DPH6: variants seen among roughly 807,000 people sequenced by gnomAD.
The protein encoded by DPH6 is diphthine--ammonia ligase.
DPH6 carries 33 observed loss-of-function variants against 38.2 expected under a neutral mutation model. That is an observed-to-expected ratio of 0.86 (90% CI 0.65 to 1.15). The LOEUF is 1.15. Ranked by LOEUF, DPH6 falls within the 50% of genes most tolerant of loss-of-function variation. The pLI, the probability that DPH6 is intolerant of heterozygous loss-of-function variation, is 0.00. For missense variants in DPH6, 325 were observed against 320.0 expected (o/e 1.02, Z -0.12); for synonymous variants, 108 against 103.0 (o/e 1.05, Z -0.30).
chr15:35,274,815 G>A (rs541898723), intron 3 of DPH6, among the ~76,000 whole-genome samples: 8 of 152,110 alleles, frequency 5.3e-5, no homozygotes, highest in Admixed American at 1.3e-4. Flanking sequence ...TATTTAAACC[G>A]TTGTGGATGA....
In DPH6 at chr15:35,539,569, G is replaced by A. The variant is rs924078221; in HGVS notation, c.119-1102C>T. On this transcript the variant is annotated intron_variant, in intron 2 of 8. Transcript: ENST00000256538. ...TCAAATTTATCTACCCACAGAACAC[G>A]TAAATTTAATGGGGGTATTTGTGTT... Among the ~76,000 whole-genome samples the A allele has an allele frequency of 1.6e-4, 24 of 152,046 alleles. No homozygotes were observed. In the East Asian group the frequency reaches 4.1e-3, roughly 26 times the overall value.
chr15:35,528,142 T>A (rs1378053774), intron 3 of DPH6, among the ~76,000 whole-genome samples: 2 of 152,164 alleles, frequency 1.3e-5, no homozygotes, highest in Admixed American at 1.3e-4. Context: ...GAAAAGATAC[T>A]AATATCATAG....
At chr15:35,380,580 C>T (rs1416212217) in intron 7 of DPH6, among the ~76,000 whole-genome samples, 2 of 151,984 alleles carry the variant, frequency 1.3e-5, no homozygotes, top group Non-Finnish European at 2.9e-5. Context: ...CCTATATTAA[C>T]AAGTAAATAT....
chr15:35,438,189 T>C (rs1409953380), intron 5 of DPH6, among the ~76,000 whole-genome samples: 1 of 152,246 alleles, frequency 6.6e-6, no homozygotes, highest in Non-Finnish European at 1.5e-5. Context: ...TTTTTCTCAG[T>C]TGACTAAATT....
chr15:35,519,421 T>C (rs2054890631), intron 3 of DPH6: 1 of 152,004 alleles, frequency 6.6e-6, no homozygotes, highest in South Asian at 2.1e-4. Flanking sequence ...TTCAAAAAGA[T>C]ATTTCATGAA....
intron 3 of DPH6, among the ~76,000 whole-genome samples, chr15:35,257,342 CTA>C (rs771040526): frequency 6.6e-6 from 1 of 152,114 alleles, no homozygotes; most frequent in Non-Finnish European, 1.5e-5. Context: ...AGTTGCTTAC[CTA>C]TAGGCTTGAA....
chr15:35,248,396 A>T (rs748772274), intron 3 of DPH6, among the ~76,000 whole-genome samples: 1 of 152,200 alleles, frequency 6.6e-6, no homozygotes, highest in Non-Finnish European at 1.5e-5. Context: ...TAAGATCTCC[A>T]TTCCAGTGTG....
chr15:35,416,753 T>C (rs1262771942), intron 5 of DPH6, among the ~76,000 whole-genome samples: 2 of 152,090 alleles, frequency 1.3e-5, no homozygotes, highest in Admixed American at 6.6e-5. Context: ...TGACAAGTCA[T>C]TGGGGACCTC....
intron 5 of DPH6, among the ~76,000 whole-genome samples, chr15:35,431,299 C>A (rs2053629971): frequency 6.6e-6 from 1 of 152,056 alleles, no homozygotes; most frequent in Non-Finnish European, 1.5e-5. Flanking sequence ...ACTTTTGTAC[C>A]TATGGCCCCA....
intron 5 of DPH6, among the ~76,000 whole-genome samples, chr15:35,440,414 T>C (rs577311992): frequency 6.6e-6 from 1 of 152,282 alleles, no homozygotes; most frequent in East Asian, 1.9e-4. Context: ...ACCAGGTTTG[T>C]CTCCTCTTGC....
the DPH6 span, among the ~76,000 whole-genome samples, chr15:35,208,012 T>C: frequency 1.3e-5 from 2 of 152,224 alleles, no homozygotes; most frequent in African/African-American, 4.8e-5. Context: ...CTAGCCTCAC[T>C]GAAAATATTC....
At chr15:35,182,125 T>C in the DPH6 span, among the ~76,000 whole-genome samples, 9 of 151,194 alleles carry the variant, frequency 6.0e-5, no homozygotes, top group African/African-American at 2.2e-4. Flanking sequence ...ATAAAACCTA[T>C]AGATAAAGGA....
At chr15:35,236,885 C>A (rs1208035146) in intron 3 of DPH6, among the ~76,000 whole-genome samples, 1 of 152,104 alleles carries the variant, frequency 6.6e-6, no homozygotes, top group African/African-American at 2.4e-5. Flanking sequence ...ATACTGCTTT[C>A]TATGACACTT....
chr15:35,524,418 C>A (rs1173003700), intron 3 of DPH6, among the ~76,000 whole-genome samples: 1 of 152,092 alleles, frequency 6.6e-6, no homozygotes, highest in African/African-American at 2.4e-5. Context: ...CTTAATAACC[C>A]TAACCCCTTA....
chr15:35,321,803 G>A (rs936259075), intron 3 of DPH6, among the ~76,000 whole-genome samples: 5 of 152,098 alleles, frequency 3.3e-5, no homozygotes, highest in African/African-American at 4.8e-5. Context: ...TTCATGATGG[G>A]TTCTTTCTAA....
At chr15:35,419,978 G>T (rs1305291094) in intron 5 of DPH6, among the ~76,000 whole-genome samples, 4 of 152,156 alleles carry the variant, frequency 2.6e-5, no homozygotes, top group Non-Finnish European at 5.9e-5. Context: ...GACAGCAACA[G>T]AAGAGAAATT....
chr15:35,520,409 T>C (rs1421391154), intron 3 of DPH6: 4 of 982,710 alleles, frequency 4.1e-6, no homozygotes, highest in East Asian at 2.3e-4. Context: ...CATCAAACAA[T>C]AGTCATGAAT....
At chr15:35,300,607 G>GGAAAAGACAAATGGGAGA (rs1289884479) in intron 3 of DPH6, among the ~76,000 whole-genome samples, 1 of 152,126 alleles carries the variant, frequency 6.6e-6, no homozygotes, top group Non-Finnish European at 1.5e-5. Flanking sequence ...TCCTGACGTG[G>GGAAAAGACAAATGGGAGA]GAAAAGACAA....
chr15:35,341,694 C>T (rs1048897650), intron 3 of DPH6, among the ~76,000 whole-genome samples: 2 of 152,178 alleles, frequency 1.3e-5, no homozygotes, highest in African/African-American at 2.4e-5. Flanking sequence ...GAGGCATCAC[C>T]AGTGAAGGCT....
Sources: gnomAD v4.1 joint callset for allele counts (sites outside exome capture counted in the v4.1 genomes callset) on GRCh38, gnomAD v4.1.1 for gene constraint, MANE v1.5 for transcripts, NCBI Gene and HGNC (gene_info 2026-07-23, HGNC 2026-07-21) for gene names.